The following ZCCHC7 variants were observed in gnomAD, a reference collection of about 807,000 sequenced individuals.
ZCCHC7 encodes zinc finger CCHC-type containing 7.
In ZCCHC7, 35 loss-of-function variants were observed where a neutral mutation model predicts 52.0. The ratio of observed to expected loss-of-function variants is 0.67; its 90% CI spans 0.51 to 0.89. ZCCHC7 has a LOEUF of 0.89. ZCCHC7 is among the 40% of genes least tolerant of loss of function. ZCCHC7 has a pLI of 0.00. For synonymous variants in ZCCHC7, 217 were observed against 221.5 expected, an observed-to-expected ratio of 0.98 and a Z score of 0.18; for missense variants, 574 against 649.1, an observed-to-expected ratio of 0.88 and a Z score of 1.26.
intron 2 of ZCCHC7, among the ~76,000 whole-genome samples, chr9:37,127,229 T>G (rs1842579640): frequency 6.6e-6 from 1 of 152,134 alleles, no homozygotes; most frequent in African/African-American, 2.4e-5. Flanking sequence ...ACCTGAAATC[T>G]TACTTCCCCC....
At chr9:37,124,104 A>G (rs1842440562) in intron 1 of ZCCHC7, among the ~76,000 whole-genome samples, 2 of 152,214 alleles carry the variant, frequency 1.3e-5, no homozygotes, top group Non-Finnish European at 2.9e-5. Context: ...ATTTTTGGGC[A>G]GAAATTTGGG....
chr9:37,322,968 A>G (rs886300410), intron 5 of ZCCHC7, among the ~76,000 whole-genome samples: 2 of 152,172 alleles, frequency 1.3e-5, no homozygotes, highest in East Asian at 1.9e-4. Context: ...AATACAGTGG[A>G]GCACTTGCTA....
chr9:37,164,899 T>A (rs1821335003), intron 2 of ZCCHC7, among the ~76,000 whole-genome samples: 1 of 152,230 alleles, frequency 6.6e-6, no homozygotes, highest in South Asian at 2.1e-4. Context: ...GTAGTCCGTT[T>A]CTTCCAGAAA....
rs574722132 is a variant in ZCCHC7 at position 37,175,117 on chromosome 9, G to GAAAAAA, written c.610+48182_610+48187dup. Among the ~76,000 whole-genome samples, 48 of 134,846 alleles carry GAAAAAA rather than the reference G, an allele frequency of 3.6e-4. 2 individuals carry two copies. The highest frequency in any genetic ancestry group is 1.2e-3 in the African/African-American group (43 of 36,960). The allele number at this position is 134,846 out of a possible 152,430, so 88.5% of individuals were successfully genotyped here. On this transcript the variant is annotated intron_variant, in intron 2 of 8. Transcript: ENST00000336755. ...TGGATGACAGTGAGACTGTCTCAAA[G>GAAAAAA]AAAAAAAAAAAAGGAATATTTGATC...
intron 5 of ZCCHC7, among the ~76,000 whole-genome samples, chr9:37,319,392 A>T (rs933165202): frequency 1.3e-5 from 2 of 152,116 alleles, no homozygotes; most frequent in Non-Finnish European, 2.9e-5. Context: ...CCAACTTATA[A>T]ATTTGAACTC....
intron 2 of ZCCHC7, among the ~76,000 whole-genome samples, chr9:37,287,214 AAAGT>A (rs1262977566): frequency 4.7e-5 from 7 of 149,570 alleles, no homozygotes; most frequent in African/African-American, 1.7e-4. Context: ...TTTCTCTAGA[AAAGT>A]CTGTTAGTGG....
chr9:37,124,011 G>T (rs935713350), intron 1 of ZCCHC7, among the ~76,000 whole-genome samples: 12 of 152,218 alleles, frequency 7.9e-5, no homozygotes, highest in African/African-American at 2.9e-4. Context: ...CAGTAGGAAT[G>T]TAGTACATTT....
chr9:37,318,086 C>G (rs1829898556), intron 5 of ZCCHC7, among the ~76,000 whole-genome samples: 1 of 151,816 alleles, frequency 6.6e-6, no homozygotes, highest in African/African-American at 2.4e-5. Flanking sequence ...AAAGATATAG[C>G]TATAAGAATG....
At chr9:37,129,398 C>G (rs1374618079) in intron 2 of ZCCHC7, among the ~76,000 whole-genome samples, 1 of 152,176 alleles carries the variant, frequency 6.6e-6, no homozygotes, top group Non-Finnish European at 1.5e-5. Flanking sequence ...TACAAATACT[C>G]AAATATATAT....
intron 2 of ZCCHC7, among the ~76,000 whole-genome samples, chr9:37,269,951 G>A (rs1588583320): frequency 6.6e-6 from 1 of 152,114 alleles, no homozygotes; most frequent in African/African-American, 2.4e-5. Context: ...TAGATAGGCA[G>A]GCTAACTTAG....
intron 2 of ZCCHC7, among the ~76,000 whole-genome samples, chr9:37,239,260 A>G (rs1825780593): frequency 6.6e-6 from 1 of 152,178 alleles, no homozygotes; most frequent in Non-Finnish European, 1.5e-5. Flanking sequence ...AACATTATCT[A>G]AATATTTATA....
In ZCCHC7 at chr9:37,349,449, A is replaced by G. The variant is rs1422519103; in HGVS notation, c.1080A>G (p.Gly360=). 3 of 1,613,848 alleles carry G rather than the reference A, an allele frequency of 1.9e-6. No individual in the cohort carries two copies. Among genetic ancestry groups the G allele is most frequent in the Admixed American group, 1.7e-5 (1 of 59,994 alleles). Reference sequence around the variant, plus strand: ...ACTGCGCGCAAAAAGGCCATTATGGACACGTAAGTTTGAGTGACATTTGGG... The same window carrying G: ...ACTGCGCGCAAAAAGGCCATTATGGGCACGTAAGTTTGAGTGACATTTGGG... ...CYHCAQKGHY[G]HECPEREVYD... Residue 360 remains glycine (G), a synonymous_variant, in exon 7 of 9, where the codon GGA becomes GGG. Coordinates refer to ENST00000336755, the MANE Select transcript of ZCCHC7 (RefSeq NM_032226.3).
At chr9:37,298,031 A>G (rs947542391) in intron 2 of ZCCHC7, among the ~76,000 whole-genome samples, 1 of 152,210 alleles carries the variant, frequency 6.6e-6, no homozygotes, top group African/African-American at 2.4e-5. Context: ...AACAAAATAC[A>G]AGTCGCCCTT....
chr9:37,151,850 G>A (rs139609765), intron 2 of ZCCHC7, among the ~76,000 whole-genome samples: 193 of 152,218 alleles, frequency 1.3e-3, no homozygotes, highest in African/African-American at 4.3e-3. Flanking sequence ...ATGATGTTGA[G>A]GCTTTTTTGA....
chr9:37,252,060 A>G (rs1442864963), intron 2 of ZCCHC7, among the ~76,000 whole-genome samples: 1 of 152,160 alleles, frequency 6.6e-6, no homozygotes. Flanking sequence ...ATTTAATAAT[A>G]TATCTCTTAT....
intron 6 of ZCCHC7, among the ~76,000 whole-genome samples, chr9:37,334,424 T>C (rs1164852802): frequency 1.3e-5 from 2 of 151,978 alleles, no homozygotes; most frequent in Non-Finnish European, 2.9e-5. Context: ...CTTTAAGGGT[T>C]TGGATCGATC....
chr9:37,337,004 C>T (rs919486525), intron 6 of ZCCHC7, among the ~76,000 whole-genome samples: 1 of 152,040 alleles, frequency 6.6e-6, no homozygotes, highest in Non-Finnish European at 1.5e-5. Context: ...GGACAATTGG[C>T]GGAGGGGCCG....
chr9:37,176,136 C>A (rs186530114), intron 2 of ZCCHC7, among the ~76,000 whole-genome samples: 2 of 152,080 alleles, frequency 1.3e-5, no homozygotes, highest in Non-Finnish European at 2.9e-5. Flanking sequence ...TCCAGTGGCT[C>A]GATCTTGGCT....
intron 5 of ZCCHC7, among the ~76,000 whole-genome samples, chr9:37,321,591 C>T (rs769799879): frequency 6.6e-6 from 1 of 152,010 alleles, no homozygotes; most frequent in South Asian, 2.1e-4. Context: ...TAGTGAGACT[C>T]CATCTCTACA....
Sources: allele counts gnomAD v4.1 joint callset (sites outside exome capture counted in the v4.1 genomes callset), GRCh38; gene constraint gnomAD v4.1.1; transcripts MANE v1.5; gene names NCBI Gene and HGNC (gene_info 2026-07-23, HGNC 2026-07-21).